Variants in ENPP2 observed in about 807,000 individuals in gnomAD.
ENPP2 encodes the protein ectonucleotide pyrophosphatase/phosphodiesterase 2, also known as autotaxin.
Under a neutral mutation model 120.2 loss-of-function variants are expected in ENPP2, and 51 were observed. That is an observed-to-expected ratio of 0.42 (90% CI 0.34 to 0.54). ENPP2 has a LOEUF of 0.54. Ranked by LOEUF, ENPP2 falls within the 20% of genes least tolerant of loss-of-function variation. The pLI is 0.04. For synonymous variants in ENPP2, 365 were observed against 366.4 expected, an observed-to-expected ratio of 1.00 and a Z score of 0.04; for missense variants, 920 against 1,066.5, an observed-to-expected ratio of 0.86 and a Z score of 1.91.
chr8:119,650,990 T>C (rs1817611125), intron 1 of ENPP2, among the ~76,000 whole-genome samples: 1 of 150,734 alleles, frequency 6.6e-6, no homozygotes, highest in Non-Finnish European at 1.5e-5. Context: ...AAAAAAGCCC[T>C]ATGAACTAGA....
upstream of ENPP2, among the ~76,000 whole-genome samples, chr8:119,640,867 C>T (rs567786654): frequency 2.0e-5 from 3 of 152,272 alleles, no homozygotes; most frequent in Non-Finnish European, 4.4e-5. Flanking sequence ...CTGTCTCAGC[C>T]TCCCGAGTAG....
At chr8:119,568,514 A>G (rs1001968378) in intron 21 of ENPP2, among the ~76,000 whole-genome samples, 1 of 152,108 alleles carries the variant, frequency 6.6e-6, no homozygotes, top group African/African-American at 2.4e-5. Flanking sequence ...GAGTCTACCA[A>G]CATTATGTAA....
intron 9 of ENPP2, among the ~76,000 whole-genome samples, chr8:119,602,743 C>T (rs182817239): frequency 4.9e-4 from 75 of 152,258 alleles, no homozygotes; most frequent in African/African-American, 1.6e-3. Flanking sequence ...ATTTTCACTC[C>T]CCGATCCAAG....
chr8:119,604,174 C>G (rs1252084129), intron 9 of ENPP2, among the ~76,000 whole-genome samples: 1 of 152,020 alleles, frequency 6.6e-6, no homozygotes, highest in Admixed American at 6.6e-5. Context: ...ATTAAAGGTG[C>G]CTGCCACCAC....
intron 19 of ENPP2, chr8:119,573,162 C>G (rs908168020): frequency 2.0e-5 from 3 of 152,184 alleles, no homozygotes; most frequent in African/African-American, 7.2e-5. Context: ...AATCACAACA[C>G]TTTGGGAGGC....
intron 1 of ENPP2, among the ~76,000 whole-genome samples, chr8:119,645,161 A>G (rs1333362620): frequency 6.6e-6 from 1 of 152,150 alleles, no homozygotes; most frequent in Non-Finnish European, 1.5e-5. Context: ...ACGGTCAGAT[A>G]ATTGACTGAG....
intron 1 of ENPP2, among the ~76,000 whole-genome samples, chr8:119,666,788 A>T (rs1818085983): frequency 6.6e-6 from 1 of 152,128 alleles, no homozygotes; most frequent in African/African-American, 2.4e-5. Context: ...AAAAAAAAAA[A>T]AAAGCTTAAT....
chr8:119,572,241 C>G, intron 19 of ENPP2: 1 of 1,552,466 alleles, frequency 6.4e-7, no homozygotes, highest in Non-Finnish European at 8.7e-7. Context: ...TCTGAATTTC[C>G]TGGTTTCAGC....
chr8:119,568,732 C>A (rs1323133434), intron 21 of ENPP2, among the ~76,000 whole-genome samples: 1 of 152,128 alleles, frequency 6.6e-6, no homozygotes, highest in Non-Finnish European at 1.5e-5. Context: ...TCCAGAGTAT[C>A]AGGGACTACT....
intron 11 of ENPP2, among the ~76,000 whole-genome samples, chr8:119,596,199 T>C (rs1448482612): frequency 6.6e-6 from 1 of 152,238 alleles, no homozygotes; most frequent in East Asian, 1.9e-4. Flanking sequence ...ATGTTGATAC[T>C]GTTGTCACAG....
rs1812918097 is a variant in ENPP2, at chr8:119,583,821, A to G, written c.1456-17T>C. On this transcript the variant is annotated splice_polypyrimidine_tract_variant and intron_variant, in intron 16 of 24. Coordinates refer to ENST00000075322, the MANE Select transcript of ENPP2 (RefSeq NM_001040092.3). ...AAAAACAGTCTTCCAAAAGAAAAGA[A>G]AAACAAAAACAGTTAAGCATTGTTA... is the stretch of plus-strand genomic sequence containing the variant. The G allele has an allele frequency of 2.0e-6, 3 of 1,528,574 alleles. No homozygotes were observed. The South Asian group carries it at 3.4e-5, about 17-fold the overall frequency. 94.7% of individuals were successfully genotyped at this position (1,528,574 alleles called of 1,614,324 possible).
intron 1 of ENPP2, among the ~76,000 whole-genome samples, chr8:119,653,136 T>C (rs1817671960): frequency 3.3e-5 from 5 of 152,178 alleles, no homozygotes; most frequent in Admixed American, 3.3e-4. Flanking sequence ...CACCTCTGGA[T>C]AGCTCGTTTT....
chr8:119,621,526 T>C lies in ENPP2; in HGVS notation c.293-7A>G. 6.2e-7 allele frequency: 1 copy of C among 1,612,488 alleles called. No individual in the cohort carries two copies. The highest frequency in any genetic ancestry group is 8.5e-7 in the Non-Finnish European group (1 of 1,179,058). On this transcript the variant is annotated splice_region_variant and splice_polypyrimidine_tract_variant and intron_variant, in intron 3 of 24. Coordinates refer to ENST00000075322, the MANE Select transcript of ENPP2 (RefSeq NM_001040092.3). Reference sequence around the variant, plus strand: ...GTACACTCCCAGCCACGGGCTAAAATCATCCCAATAAAACATTTTCACTGC... The same window carrying C: ...GTACACTCCCAGCCACGGGCTAAAACCATCCCAATAAAACATTTTCACTGC...
chr8:119,565,568 T>C (rs1323346634), intron 22 of ENPP2, among the ~76,000 whole-genome samples: 2 of 152,256 alleles, frequency 1.3e-5, no homozygotes, highest in Non-Finnish European at 2.9e-5. Context: ...CCCAGGTGTT[T>C]GGGCCAAAAG....
chr8:119,644,623 TATAC>T (rs1293084021), intron 1 of ENPP2, among the ~76,000 whole-genome samples: 3,191 of 97,042 alleles, frequency 0.033, 73 homozygotes, highest in Non-Finnish European at 0.051. Flanking sequence ...TATATATATA[TATAC>T]ACACACACAC....
chr8:119,653,124 T>A (rs1320390132), intron 1 of ENPP2, among the ~76,000 whole-genome samples: 4 of 152,184 alleles, frequency 2.6e-5, no homozygotes, highest in African/African-American at 9.7e-5. Context: ...CTAGATTGTG[T>A]TCACCTCTGG....
rs1353203635 is a variant in ENPP2 at position 119,561,974 on chromosome 8, TA to T, written c.2421+882del. Among the ~76,000 whole-genome samples, 8 of 151,774 alleles carry T rather than the reference TA, an allele frequency of 5.3e-5. No individual in the cohort carries two copies. In the South Asian group the frequency reaches 1.5e-3, roughly 28 times the overall value. ...TAACACGGTGGAACCCTGTCTCTAC[TA>T]AAAATACAAAAATTAGCTGTGCGTG... On this transcript the variant is annotated intron_variant, in intron 24 of 24. Coordinates refer to ENST00000075322, the MANE Select transcript of ENPP2 (RefSeq NM_001040092.3).
At chr8:119,651,965 T>G (rs1270559505) in intron 1 of ENPP2, among the ~76,000 whole-genome samples, 1 of 152,220 alleles carries the variant, frequency 6.6e-6, no homozygotes, top group Non-Finnish European at 1.5e-5. Context: ...ATATCAAGGA[T>G]AGTGAGATGA....
chr8:119,598,844 A>C (rs1440162000), intron 11 of ENPP2, among the ~76,000 whole-genome samples: 1 of 152,162 alleles, frequency 6.6e-6, no homozygotes, highest in Non-Finnish European at 1.5e-5. Context: ...CTGTAGTGCT[A>C]TCTTCAGGTT....
Sources: gnomAD v4.1 joint callset for allele counts (sites outside exome capture counted in the v4.1 genomes callset) on GRCh38, gnomAD v4.1.1 for gene constraint, MANE v1.5 for transcripts, NCBI Gene and HGNC (gene_info 2026-07-23, HGNC 2026-07-21) for gene names.